The following KMT5B variants were observed in gnomAD, a reference collection of about 807,000 sequenced individuals.
KMT5B encodes lysine methyltransferase 5B, also known as histone-lysine N-methyltransferase KMT5B.
Under a neutral mutation model 83.2 loss-of-function variants are expected in KMT5B, and 10 were observed. The observed-to-expected ratio is 0.12, with a 90% CI of 0.07 to 0.20. KMT5B has a LOEUF of 0.20. Ranked by LOEUF, KMT5B falls within the 10% of genes least tolerant of loss-of-function variation. The pLI is 1.00. For missense variants in KMT5B, 753 were observed against 1,067.2 expected, an observed-to-expected ratio of 0.71 and a Z score of 4.10; for synonymous variants, 349 against 388.8, an observed-to-expected ratio of 0.90 and a Z score of 1.20.
chr11:68,165,901 G>C (rs1295972018), intron 10 of KMT5B: 1 of 1,612,922 alleles, frequency 6.2e-7, no homozygotes, highest in Admixed American at 1.7e-5. Context: ...ATTCATGGCA[G>C]TGACATTCAC....
chr11:68,188,281 C>T (rs1217804042), intron 2 of KMT5B, among the ~76,000 whole-genome samples: 1 of 152,096 alleles, frequency 6.6e-6, no homozygotes, highest in African/African-American at 2.4e-5. Flanking sequence ...ACCTCAGCCT[C>T]CCAAAGTGCT....
At chr11:68,165,680 C>G in intron 10 of KMT5B, 1 of 1,308,266 alleles carries the variant, frequency 7.6e-7, no homozygotes, top group Non-Finnish European at 9.8e-7. Context: ...CTTCACAAGT[C>G]TCCAGTTTCA....
chr11:68,184,836 G>C (rs1565239756), intron 3 of KMT5B, among the ~76,000 whole-genome samples: 1 of 152,158 alleles, frequency 6.6e-6, no homozygotes, highest in Non-Finnish European at 1.5e-5. Flanking sequence ...TTTTTTGAGG[G>C]AGAAATGGTA....
chr11:68,175,243 T>C, intron 4 of KMT5B, 60 bp from the exon 5 acceptor site: 1 of 1,347,876 alleles, frequency 7.4e-7, no homozygotes. Context: ...CACTGATCCA[T>C]CTTAACAGAT....
intron 3 of KMT5B, among the ~76,000 whole-genome samples, chr11:68,183,915 C>T (rs1271445060): frequency 6.6e-6 from 1 of 152,082 alleles, no homozygotes; most frequent in Non-Finnish European, 1.5e-5. Context: ...CCAGCTTGGC[C>T]TCCCAAAGTG....
At position 68,175,303 on chromosome 11, in the gene KMT5B, G is replaced by A. The variant is rs1856246363; in HGVS notation, c.378-120C>T. On this transcript the variant is annotated intron_variant, in intron 4 of 10. Coordinates refer to ENST00000304363, the MANE Select transcript of KMT5B (RefSeq NM_017635.5). ...AAACAGCCATGGTTATCAGAGCAAA[G>A]ATCTAAGAGAAGAGAACAACAATCA... is the stretch of plus-strand genomic sequence containing the variant. 5 of 686,742 alleles carry A rather than the reference G, an allele frequency of 7.3e-6. No individual in the cohort carries two copies. The South Asian group carries it at 1.1e-4, about 15-fold the overall frequency. 42.5% of individuals were successfully genotyped at this position (686,742 alleles called of 1,614,324 possible). A position where few individuals can be genotyped will look rare whatever the true frequency, so the allele number is the denominator to read the frequency against.
intron 9 of KMT5B, among the ~76,000 whole-genome samples, chr11:68,168,399 G>A (rs973461448): frequency 6.6e-5 from 10 of 150,574 alleles, no homozygotes; most frequent in Non-Finnish European, 1.3e-4. Flanking sequence ...GCAGTGGTGC[G>A]ATCTTGGCTC....
At chr11:68,177,092 G>A (rs1303754847) in intron 4 of KMT5B, among the ~76,000 whole-genome samples, 2 of 152,190 alleles carry the variant, frequency 1.3e-5, no homozygotes, top group South Asian at 2.1e-4. Flanking sequence ...GCTGTGTTGT[G>A]TATACAGTGG....
At chr11:68,183,369 T>C (rs1037056136) in intron 3 of KMT5B, among the ~76,000 whole-genome samples, 8 of 152,090 alleles carry the variant, frequency 5.3e-5, no homozygotes, top group African/African-American at 1.9e-4. Flanking sequence ...AATTAGTTTT[T>C]TGTTTTTAGC....
In KMT5B at chr11:68,213,237, C is replaced by T. The variant is rs1441232474; in HGVS notation, c.-176G>A. ...CCGCCGGGCCCCGCGTCCCAGTCCC[C>T]CCCAGAAAATTAATCACCAAAAATA... is the stretch of plus-strand genomic sequence containing the variant. On this transcript the variant is annotated 5_prime_UTR_variant, in exon 1 of 11. Transcript: ENST00000304363. 2 of 146,534 alleles carry T rather than the reference C, an allele frequency of 1.4e-5. No individual in the cohort carries two copies. The highest frequency in any genetic ancestry group is 3.0e-5 in the Non-Finnish European group (2 of 65,950). 9.1% of individuals were successfully genotyped at this position (146,534 alleles called of 1,614,324 possible).
chr11:68,164,516 G>T (rs1855138102), intron 10 of KMT5B, among the ~76,000 whole-genome samples: 1 of 152,200 alleles, frequency 6.6e-6, no homozygotes, highest in African/African-American at 2.4e-5. Context: ...GAGAACGCAT[G>T]TAAGAACTCA....
At chr11:68,199,682 T>G (rs908370760) in intron 1 of KMT5B, among the ~76,000 whole-genome samples, 6 of 152,150 alleles carry the variant, frequency 3.9e-5, no homozygotes, top group Non-Finnish European at 5.9e-5. Context: ...TACTAATAAT[T>G]TCTAGGACAA....
chr11:68,187,141 C>A (rs1419572187), intron 2 of KMT5B, among the ~76,000 whole-genome samples: 1 of 151,986 alleles, frequency 6.6e-6, no homozygotes, highest in Non-Finnish European at 1.5e-5. Context: ...GGACCACAGG[C>A]ATGCATCATC....
chr11:68,211,133 C>T (rs997847962), intron 1 of KMT5B, among the ~76,000 whole-genome samples: 19 of 152,050 alleles, frequency 1.2e-4, no homozygotes, highest in Non-Finnish European at 1.5e-4. Context: ...TTTAAATAAC[C>T]CAAGAGAAAA....
At chr11:68,211,217 G>A in intron 1 of KMT5B, among the ~76,000 whole-genome samples, 1 of 152,024 alleles carries the variant, frequency 6.6e-6, no homozygotes, top group East Asian at 1.9e-4. Flanking sequence ...CTTCACACGC[G>A]TCTCTCCCTG....
rs115513287 is a variant in KMT5B at position 68,184,674 on chromosome 11, G to T, written c.308+1107C>A. On this transcript the variant is annotated intron_variant, in intron 3 of 10. Transcript: ENST00000304363. ...CGGGTGTGATGGAGATGAAAGTGAT[G>T]GGCCAGAACTAGCTCTATCTTCTAA... Among the ~76,000 whole-genome samples, 360 of 152,284 alleles carry T rather than the reference G, an allele frequency of 2.4e-3. 2 individuals carry two copies. The highest frequency in any genetic ancestry group is 7.9e-3 in the African/African-American group (327 of 41,542).
chr11:68,161,789 C>T (rs974072638), intron 10 of KMT5B, among the ~76,000 whole-genome samples: 1 of 152,174 alleles, frequency 6.6e-6, no homozygotes, highest in African/African-American at 2.4e-5. Context: ...TTCTTCAGGT[C>T]TGTGTAGTCC....
At chr11:68,182,374 G>A (rs1455744608) in intron 3 of KMT5B, among the ~76,000 whole-genome samples, 2 of 152,208 alleles carry the variant, frequency 1.3e-5, no homozygotes, top group African/African-American at 4.8e-5. Flanking sequence ...ATCAGAGCCT[G>A]CATTTCAACA....
At chr11:68,184,413 T>C (rs1455758044) in intron 3 of KMT5B, among the ~76,000 whole-genome samples, 3 of 152,104 alleles carry the variant, frequency 2.0e-5, no homozygotes, top group African/African-American at 7.2e-5. Flanking sequence ...AACAAAAGCA[T>C]ATTTTTACCT....
Sources: allele counts gnomAD v4.1 joint callset (sites outside exome capture counted in the v4.1 genomes callset), GRCh38; gene constraint gnomAD v4.1.1; transcripts MANE v1.5; gene names NCBI Gene and HGNC (gene_info 2026-07-23, HGNC 2026-07-21).